Variants in DLGAP1 observed in about 807,000 individuals in gnomAD.
The protein encoded by DLGAP1 is DLG associated protein 1.
Under a neutral mutation model 90.8 loss-of-function variants are expected in DLGAP1, and 11 were observed. That is an observed-to-expected ratio of 0.12 (90% CI 0.08 to 0.20). The LOEUF (loss-of-function observed/expected upper bound fraction) is 0.20. Ranked by LOEUF, DLGAP1 falls within the 10% of genes least tolerant of loss-of-function variation. DLGAP1 has a pLI of 1.00. For synonymous variants in DLGAP1, 558 were observed against 540.7 expected (o/e 1.03, Z -0.44); for missense variants, 1,050 against 1,333.8 (o/e 0.79, Z 3.31).
intron 8 of DLGAP1, among the ~76,000 whole-genome samples, chr18:3,568,886 C>T (rs1293429955): frequency 2.0e-5 from 3 of 151,732 alleles, no homozygotes; most frequent in Middle Eastern, 3.4e-3. Context: ...CGGGGTTTCA[C>T]TGTGTTAGCC....
rs118140659 is a variant in DLGAP1, at chr18:3,949,960, G to A, written c.-73+55156C>T. Among the ~76,000 whole-genome samples, 458 of 152,258 alleles carry A rather than the reference G, an allele frequency of 3.0e-3. 9 individuals are homozygous for A. The East Asian group carries it at 0.064, about 21-fold the overall frequency. On this transcript the variant is annotated intron_variant, in intron 3 of 12. Coordinates refer to ENST00000315677, the MANE Select transcript of DLGAP1 (RefSeq NM_004746.4). The stretch of plus-strand genomic sequence containing the variant: ...ATAAATCCCAAAACACAGATGGTAG[G>A]TGCTAGGAAAAACATTAGAATAGAT...
At position 4,306,328 on chromosome 18, in the gene DLGAP1, C is replaced by T. The variant is rs577262969; in HGVS notation, c.-267+148678G>A. 7.0e-4 allele frequency among the ~76,000 whole-genome samples: 106 copies of T among 151,608 alleles called. 1 individual carries two copies. Among genetic ancestry groups the T allele is most frequent in the Non-Finnish European group, 7.1e-4 (48 of 67,848 alleles). ...AAGCTTATATTAGAAGAAGGAAGAC[C>T]CATGCTTTACTTTGTCAAACTATCA... On this transcript the variant is annotated intron_variant, in intron 1 of 12. Transcript: ENST00000315677.
At chr18:4,059,877 G>C (rs67450223) in intron 2 of DLGAP1, among the ~76,000 whole-genome samples, 16,708 of 152,210 alleles carry the variant, frequency 0.11, 1,008 homozygotes, top group Non-Finnish European at 0.14. Context: ...AGAAATGCAA[G>C]ATGCAGAGGC....
At chr18:3,887,012 C>T (rs912852324) in intron 3 of DLGAP1, among the ~76,000 whole-genome samples, 1 of 152,198 alleles carries the variant, frequency 6.6e-6, no homozygotes, top group African/African-American at 2.4e-5. Flanking sequence ...AGTGCCATAT[C>T]CGCCCTGGAT....
At chr18:4,191,643 A>C (rs1410591373) in intron 1 of DLGAP1, among the ~76,000 whole-genome samples, 1 of 152,154 alleles carries the variant, frequency 6.6e-6, no homozygotes. Context: ...CGAAGGCTCT[A>C]AGCATACAGT....
rs1472546863 is a variant in DLGAP1, at chr18:3,534,191, T to C, written c.2479+3A>G. 1 of 1,611,120 alleles carries C rather than the reference T, an allele frequency of 6.2e-7. No individual in the cohort carries two copies. Among genetic ancestry groups the C allele is most frequent in the Admixed American group, 1.7e-5 (1 of 59,916 alleles). ...GGGTGTGGCACGTGGTGGCATTACT[T>C]ACTGTCTTCGGGCAGGTTGTTTTCC... is the stretch of plus-strand genomic sequence containing the variant. On this transcript the variant is annotated splice_donor_region_variant and intron_variant, in intron 10 of 12. Transcript: ENST00000315677.
chr18:3,608,581 C>A (rs2057437778), intron 7 of DLGAP1, among the ~76,000 whole-genome samples: 1 of 152,110 alleles, frequency 6.6e-6, no homozygotes. Context: ...GAACATAATG[C>A]CCTAAAATAT....
At chr18:4,075,759 T>A (rs2075513704) in intron 2 of DLGAP1, among the ~76,000 whole-genome samples, 1 of 152,262 alleles carries the variant, frequency 6.6e-6, no homozygotes, top group Admixed American at 6.5e-5. Flanking sequence ...AACTTTGGTA[T>A]TTCTTTCCAA....
Position 4,265,544 on chromosome 18 carries a change from C to CCCTT in DLGAP1, c.-266-114261_-266-114258dup, listed in dbSNP as rs369029520. 1.4e-4 allele frequency among the ~76,000 whole-genome samples: 16 copies of CCCTT among 116,984 alleles called. 1 individual carries two copies. Among genetic ancestry groups the CCCTT allele is most frequent in the East Asian group, 2.9e-4 (1 of 3,454 alleles). 76.7% of individuals were successfully genotyped at this position (116,984 alleles called of 152,430 possible). A position where few individuals can be genotyped will look rare whatever the true frequency, so the allele number is the denominator to read the frequency against. On this transcript the variant is annotated intron_variant, in intron 1 of 12. Transcript: ENST00000315677. ...CTTTCTTTCCTTCCTTCCTTCCCTC[C>CCCTT]CCTTCCTTCCTTCCTTCCTTTCCTT...
chr18:3,859,730 T>C lies in DLGAP1; in HGVS notation c.957+19382A>G, dbSNP rs145303230. On this transcript the variant is annotated intron_variant, in intron 4 of 12. Transcript: ENST00000315677. ...TCTCTAGAAACCTCCAGAAGGAACA[T>C]AGCCCTACTGATGTTTTGATTGTAG... Among the ~76,000 whole-genome samples, 17 of 152,232 alleles carry C rather than the reference T, an allele frequency of 1.1e-4. No homozygotes were observed. In the East Asian group the frequency reaches 3.1e-3, roughly 28 times the overall value.
At chr18:3,740,975 A>G (rs868760242) in intron 6 of DLGAP1, among the ~76,000 whole-genome samples, 1 of 82,416 alleles carries the variant, frequency 1.2e-5, no homozygotes, top group Admixed American at 1.2e-4. Context: ...CCACCATCAC[A>G]TCACCACCAC....
At chr18:3,560,818 A>C (rs1321334659) in intron 9 of DLGAP1, among the ~76,000 whole-genome samples, 1 of 150,372 alleles carries the variant, frequency 6.7e-6, no homozygotes, top group Non-Finnish European at 1.5e-5. Flanking sequence ...CATTTATGTG[A>C]TTGAATTTTC....
chr18:3,959,669 AAAAG>A (rs35192992), intron 3 of DLGAP1, among the ~76,000 whole-genome samples: 165 of 149,314 alleles, frequency 1.1e-3, no homozygotes, highest in African/African-American at 3.7e-3. Flanking sequence ...GTCTCAAAAA[AAAAG>A]AAAGAAAGAA....
intron 1 of DLGAP1, among the ~76,000 whole-genome samples, chr18:4,382,462 T>C (rs887996221): frequency 6.0e-5 from 9 of 149,530 alleles, no homozygotes; most frequent in African/African-American, 2.0e-4. Context: ...AAAAAATAAC[T>C]GGGGCCAATA....
intron 1 of DLGAP1, among the ~76,000 whole-genome samples, chr18:4,260,337 C>T (rs1456391090): frequency 6.6e-6 from 1 of 152,188 alleles, no homozygotes. Context: ...TACAGTTATA[C>T]AGTTACCTTA....
chr18:3,515,537 G>A (rs1387801425), intron 10 of DLGAP1, among the ~76,000 whole-genome samples: 1 of 151,380 alleles, frequency 6.6e-6, no homozygotes, highest in African/African-American at 2.4e-5. Flanking sequence ...CCAGCACTTT[G>A]GGAGGCCAAG....
intron 2 of DLGAP1, among the ~76,000 whole-genome samples, chr18:4,148,732 C>T (rs2076626570): frequency 6.6e-6 from 1 of 152,156 alleles, no homozygotes; most frequent in Non-Finnish European, 1.5e-5. Flanking sequence ...CTTTAATTTC[C>T]TTCACGAGGA....
rs1037443106 is a variant in DLGAP1 at position 3,990,952 on chromosome 18, T to C, written c.-73+14164A>G. ...GGTTATTTTTTTTCTAAAATGTATG[T>C]TATTTATGTGAAGATTTAATGGAGT... On this transcript the variant is annotated intron_variant, in intron 3 of 12. Coordinates refer to ENST00000315677, the MANE Select transcript of DLGAP1 (RefSeq NM_004746.4). Among the ~76,000 whole-genome samples, 16 of 151,972 alleles carry C rather than the reference T, an allele frequency of 1.1e-4. 1 individual carries two copies. Among genetic ancestry groups the C allele is most frequent in the African/African-American group, 3.9e-4 (16 of 41,504 alleles).
At chr18:3,769,848 T>C in intron 5 of DLGAP1, among the ~76,000 whole-genome samples, 1 of 150,678 alleles carries the variant, frequency 6.6e-6, no homozygotes, top group Non-Finnish European at 1.5e-5. Context: ...CCACGGTGGG[T>C]GGGGGGGGAA....
Sources: gnomAD v4.1 joint callset for allele counts (sites outside exome capture counted in the v4.1 genomes callset) on GRCh38, gnomAD v4.1.1 for gene constraint, MANE v1.5 for transcripts, NCBI Gene and HGNC (gene_info 2026-07-23, HGNC 2026-07-21) for gene names.